JAM3: variants seen among roughly 807,000 people sequenced by gnomAD.
JAM3 encodes junctional adhesion molecule 3.
Under a neutral mutation model 39.4 loss-of-function variants are expected in JAM3, and 31 were observed. The ratio of observed to expected loss-of-function variants is 0.79; its 90% CI spans 0.59 to 1.06. JAM3 has a LOEUF of 1.06. JAM3 is among the 50% of genes least tolerant of loss of function. The pLI, the probability that JAM3 is intolerant of heterozygous loss-of-function variation, is 0.00. For missense variants in JAM3, 455 were observed against 391.4 expected, an observed-to-expected ratio of 1.16 and a Z score of -1.37; for synonymous variants, 182 against 148.7, an observed-to-expected ratio of 1.22 and a Z score of -1.63.
chr11:134,127,125 G>C (rs1942663843), intron 1 of JAM3, among the ~76,000 whole-genome samples: 1 of 152,140 alleles, frequency 6.6e-6, no homozygotes, highest in African/African-American at 2.4e-5. Flanking sequence ...AGAATTGTAG[G>C]CATCAGAATG....
intron 1 of JAM3, among the ~76,000 whole-genome samples, chr11:134,104,070 A>G (rs895707663): frequency 1.3e-5 from 2 of 152,224 alleles, no homozygotes; most frequent in African/African-American, 4.8e-5. Context: ...TCTCAGCATC[A>G]CATCGCACTT....
At chr11:134,099,838 C>G (rs1942043245) in intron 1 of JAM3, among the ~76,000 whole-genome samples, 1 of 152,188 alleles carries the variant, frequency 6.6e-6, no homozygotes, top group African/African-American at 2.4e-5. Context: ...AACTCCAGAC[C>G]TCGTCATCCG....
In JAM3 at chr11:134,149,658, G is replaced by C. The variant is rs536049182; in HGVS notation, c.*477G>C. The C allele has an allele frequency of 2.2e-6, 1 of 457,718 alleles. No individual in the cohort carries two copies. Among genetic ancestry groups the C allele is most frequent in the South Asian group, 1.5e-5 (1 of 64,590 alleles). The allele number at this position is 457,718 out of a possible 1,614,324, so 28.4% of individuals were successfully genotyped here. ...TCTTACACAGCAGCCTTACTTCATC[G>C]GCCCACAGACACCACCGCAGTTTCT... On this transcript the variant is annotated 3_prime_UTR_variant, in exon 9 of 9. Coordinates refer to ENST00000299106, the MANE Select transcript of JAM3 (RefSeq NM_032801.5).
intron 1 of JAM3, among the ~76,000 whole-genome samples, chr11:134,131,435 TGGG>T (rs1942768531): frequency 1.3e-5 from 2 of 150,966 alleles, no homozygotes; most frequent in Non-Finnish European, 3.0e-5. Flanking sequence ...CAGCAAATCT[TGGG>T]GGAGGGGGGA....
intron 1 of JAM3, among the ~76,000 whole-genome samples, chr11:134,093,733 C>T (rs1391140673): frequency 9.8e-6 from 1 of 101,882 alleles, no homozygotes. Context: ...TTCTCCTGAA[C>T]CCTCCTTATT....
chr11:134,129,235 G>A (rs1357451438), intron 1 of JAM3, among the ~76,000 whole-genome samples: 1 of 151,438 alleles, frequency 6.6e-6, no homozygotes, highest in African/African-American at 2.4e-5. Flanking sequence ...TCCTGCCTCA[G>A]CCTCCCAAGT....
chr11:134,106,140 C>T (rs1942180942), intron 1 of JAM3, among the ~76,000 whole-genome samples: 1 of 152,034 alleles, frequency 6.6e-6, no homozygotes, highest in South Asian at 2.1e-4. Flanking sequence ...GGTACTGGTA[C>T]CAAAACAGAT....
rs112159586 is a variant in JAM3 at position 134,084,223 on chromosome 11, C to T, written c.76+15064C>T. Among the ~76,000 whole-genome samples the T allele has an allele frequency of 3.7e-3, 560 of 152,252 alleles. 3 individuals are homozygous for T. The highest frequency in any genetic ancestry group is 0.013 in the African/African-American group (529 of 41,534). On this transcript the variant is annotated intron_variant, in intron 1 of 8. Coordinates refer to ENST00000299106, the MANE Select transcript of JAM3 (RefSeq NM_032801.5). Reference sequence around the variant, plus strand: ...TTTCTGTTCATCTCTTAACTCATTCCCCAACATCCAGCTTCATATACCTAT... The same window carrying T: ...TTTCTGTTCATCTCTTAACTCATTCTCCAACATCCAGCTTCATATACCTAT...
intron 1 of JAM3, among the ~76,000 whole-genome samples, chr11:134,129,244 G>A (rs2120810621): frequency 6.6e-6 from 1 of 151,712 alleles, no homozygotes; most frequent in South Asian, 2.1e-4. Flanking sequence ...AGCCTCCCAA[G>A]TAGATGGGAC....
At chr11:134,143,243 C>G (rs1398914598) in intron 3 of JAM3, among the ~76,000 whole-genome samples, 1 of 152,158 alleles carries the variant, frequency 6.6e-6, no homozygotes, top group Non-Finnish European at 1.5e-5. Context: ...CTTACCAACA[C>G]TTGTTATTGT....
At chr11:134,131,736 CAA>C (rs1942773588) in intron 1 of JAM3, among the ~76,000 whole-genome samples, 1 of 151,994 alleles carries the variant, frequency 6.6e-6, no homozygotes, top group East Asian at 1.9e-4. Context: ...AGGACACTAT[CAA>C]TAAAGACATA....
chr11:134,149,026 G>C (rs1028455030), intron 8 of JAM3, 120 bp from the exon 9 acceptor site: 122 of 1,244,952 alleles, frequency 9.8e-5, no homozygotes, highest in Middle Eastern at 1.8e-4. Context: ...AAGCGCTAGT[G>C]ATGGTACTTT....
chr11:134,112,319 C>G (rs1325636075), intron 1 of JAM3, among the ~76,000 whole-genome samples: 2 of 152,076 alleles, frequency 1.3e-5, no homozygotes, highest in Non-Finnish European at 1.5e-5. Flanking sequence ...AACTCCTGAC[C>G]TCAGGTGATC....
intron 1 of JAM3, among the ~76,000 whole-genome samples, chr11:134,087,304 A>C (rs889784458): frequency 6.6e-6 from 1 of 152,200 alleles, no homozygotes; most frequent in Admixed American, 6.5e-5. Context: ...CAACAAATAA[A>C]GTATTTCTGT....
intron 1 of JAM3, among the ~76,000 whole-genome samples, chr11:134,092,768 C>T (rs1941893732): frequency 7.3e-6 from 1 of 137,304 alleles, no homozygotes; most frequent in Non-Finnish European, 1.6e-5. Context: ...TCATCATGTT[C>T]CACCTTACAT....
At chr11:134,095,369 C>T (rs1348273711) in intron 1 of JAM3, among the ~76,000 whole-genome samples, 4 of 152,082 alleles carry the variant, frequency 2.6e-5, no homozygotes, top group Admixed American at 6.6e-5. Flanking sequence ...CAGTGGCTCA[C>T]GCCTATAATC....
chr11:134,108,594 C>G (rs989556185), intron 1 of JAM3, among the ~76,000 whole-genome samples: 1 of 151,972 alleles, frequency 6.6e-6, no homozygotes, highest in Admixed American at 6.6e-5. Context: ...AGGAAGAAAA[C>G]AAAAACAAAA....
At chr11:134,097,851 T>G (rs991149939) in intron 1 of JAM3, among the ~76,000 whole-genome samples, 60 of 151,348 alleles carry the variant, frequency 4.0e-4, no homozygotes, top group African/African-American at 1.5e-3. Context: ...TTAATTTTCT[T>G]TTATATATAT....
In JAM3 at chr11:134,139,918, T is replaced by G; in HGVS notation, c.142+2T>G. On this transcript the variant is annotated splice_donor_variant, in intron 2 of 8. Coordinates refer to ENST00000299106, the MANE Select transcript of JAM3 (RefSeq NM_032801.5). LOFTEE classifies it high-confidence loss of function. The stretch of plus-strand genomic sequence containing the variant: ...CCCCAGTGGTACAGGAATTTGAAAG[T>G]AAGTACAAACGAAATGCCTAGGATA... The G allele has an allele frequency of 6.2e-7, 1 of 1,611,522 alleles. No individual in the cohort carries two copies. The highest frequency in any genetic ancestry group is 8.5e-7 in the Non-Finnish European group (1 of 1,177,654).
Sources: gnomAD v4.1 joint callset for allele counts (sites outside exome capture counted in the v4.1 genomes callset) on GRCh38, gnomAD v4.1.1 for gene constraint, MANE v1.5 for transcripts, NCBI Gene and HGNC (gene_info 2026-07-23, HGNC 2026-07-21) for gene names.